Variants in STXBP5L observed in about 807,000 individuals in gnomAD.
STXBP5L encodes the protein syntaxin binding protein 5L.
In STXBP5L, 65 loss-of-function variants were observed where a neutral mutation model predicts 144.5. The observed-to-expected ratio is 0.45, with a 90% CI of 0.37 to 0.55. The LOEUF is 0.55. Among genes scored for constraint, STXBP5L ranks in the 20% least tolerant of loss-of-function variants. The probability of loss-of-function intolerance (pLI) is 0.00; values close to 1 mark genes in which losing one functional copy is unlikely to be tolerated. For missense variants in STXBP5L, 1,298 were observed against 1,405.5 expected, an observed-to-expected ratio of 0.92 and a Z score of 1.22; for synonymous variants, 505 against 469.6, an observed-to-expected ratio of 1.08 and a Z score of -0.97.
chr3:121,296,088 T>A (rs960436665), intron 19 of STXBP5L, among the ~76,000 whole-genome samples: 1 of 152,178 alleles, frequency 6.6e-6, no homozygotes, highest in African/African-American at 2.4e-5. Context: ...ACCATAAAAG[T>A]TCTGTATCTG....
rs76010227 is a variant in STXBP5L, at chr3:121,363,703, A to T, written c.2177-15013A>T. Among the ~76,000 whole-genome samples the T allele has an allele frequency of 3.4e-4, 52 of 152,186 alleles. 1 individual carries two copies. In the East Asian group the frequency reaches 9.3e-3, roughly 27 times the overall value. Reference sequence around the variant, plus strand: ...GCCTCTTCTAATGATATGAAGTTAAAACCAGGTGTTATGAGTGCTCACCTG... The same window carrying T: ...GCCTCTTCTAATGATATGAAGTTAATACCAGGTGTTATGAGTGCTCACCTG... On this transcript the variant is annotated intron_variant, in intron 20 of 26. Transcript: ENST00000471454.
chr3:121,115,997 C>T (rs2044216061), intron 6 of STXBP5L, among the ~76,000 whole-genome samples: 1 of 152,124 alleles, frequency 6.6e-6, no homozygotes, highest in East Asian at 1.9e-4. Context: ...TCCCATGATC[C>T]AAATACCTCC....
intron 6 of STXBP5L, 89 bp downstream of exon 6, chr3:121,115,148 T>C (rs1188693480): frequency 1.6e-6 from 2 of 1,213,592 alleles, no homozygotes; most frequent in Non-Finnish European, 2.3e-6. Flanking sequence ...ATTTGATACG[T>C]CTATTACTAA....
At chr3:121,058,631 G>A (rs1948615624) in intron 5 of STXBP5L, among the ~76,000 whole-genome samples, 1 of 152,160 alleles carries the variant, frequency 6.6e-6, no homozygotes, top group South Asian at 2.1e-4. Context: ...ATCCTCTCCA[G>A]CATCTGTTGT....
At position 121,039,724 on chromosome 3, in the gene STXBP5L, A is replaced by T. The variant is rs180980689; in HGVS notation, c.288-1976A>T. ...TAATTTTGGTCATTATTTAAAAAAA[A>T]TTTTATCTCTTCTCTCCCTCCTCTT... On this transcript the variant is annotated intron_variant, in intron 3 of 26. Transcript: ENST00000471454. Among the ~76,000 whole-genome samples the T allele has an allele frequency of 2.2e-3, 340 of 151,808 alleles. 1 individual carries two copies. The highest frequency in any genetic ancestry group is 7.4e-3 in the African/African-American group (307 of 41,346).
intron 7 of STXBP5L, among the ~76,000 whole-genome samples, chr3:121,124,994 A>T (rs1308115653): frequency 6.6e-6 from 1 of 152,128 alleles, no homozygotes. Flanking sequence ...TGCTTTCTAC[A>T]TGTATCAAGA....
chr3:120,944,588 G>A (rs998699767), intron 2 of STXBP5L, among the ~76,000 whole-genome samples: 3 of 151,740 alleles, frequency 2.0e-5, no homozygotes, highest in African/African-American at 2.4e-5. Context: ...TAGTTTCCTT[G>A]TTATTTCAAG....
chr3:121,013,083 T>C (rs1261140311), intron 3 of STXBP5L, among the ~76,000 whole-genome samples: 2 of 151,990 alleles, frequency 1.3e-5, no homozygotes, highest in Non-Finnish European at 2.9e-5. Flanking sequence ...ACATTTTCTT[T>C]ATCCAATCTA....
At chr3:121,331,370 T>C (rs1277858908) in intron 20 of STXBP5L, among the ~76,000 whole-genome samples, 1 of 152,196 alleles carries the variant, frequency 6.6e-6, no homozygotes, top group Non-Finnish European at 1.5e-5. Flanking sequence ...AGCATGAGTG[T>C]ACCTGTAGAC....
chr3:121,132,719 A>T (rs1013897608), intron 7 of STXBP5L, among the ~76,000 whole-genome samples: 1 of 152,204 alleles, frequency 6.6e-6, no homozygotes, highest in African/African-American at 2.4e-5. Flanking sequence ...AATAACTCTT[A>T]AAAAGAGACT....
chr3:120,969,729 A>T (rs1055270925), intron 3 of STXBP5L, among the ~76,000 whole-genome samples: 1 of 151,950 alleles, frequency 6.6e-6, no homozygotes, highest in South Asian at 2.1e-4. Context: ...GTAAAGTGAG[A>T]GATGGAGATC....
At chr3:121,092,761 A>G (rs140947501) in intron 5 of STXBP5L, among the ~76,000 whole-genome samples, 1 of 152,004 alleles carries the variant, frequency 6.6e-6, no homozygotes, top group Admixed American at 6.6e-5. Flanking sequence ...AATACCCTTT[A>G]TTTCCTTCTC....
At chr3:120,967,003 T>C (rs1045070113) in intron 3 of STXBP5L, among the ~76,000 whole-genome samples, 1 of 152,048 alleles carries the variant, frequency 6.6e-6, no homozygotes, top group Non-Finnish European at 1.5e-5. Flanking sequence ...GCTTCAGCAA[T>C]GGTGGACGCC....
chr3:121,081,561 G>C (rs1463469748), intron 5 of STXBP5L, among the ~76,000 whole-genome samples: 1 of 152,040 alleles, frequency 6.6e-6, no homozygotes, highest in African/African-American at 2.4e-5. Context: ...CTGTCTCCTA[G>C]GGGGTTAGAA....
intron 9 of STXBP5L, among the ~76,000 whole-genome samples, chr3:121,163,949 TG>T (rs1473107567): frequency 6.6e-6 from 1 of 152,152 alleles, no homozygotes; most frequent in African/African-American, 2.4e-5. Context: ...ACAGGTTTAT[TG>T]GGGTATAGTT....
At position 121,083,024 on chromosome 3, in the gene STXBP5L, C is replaced by T. The variant is rs117807624; in HGVS notation, c.471-31901C>T. On this transcript the variant is annotated intron_variant, in intron 5 of 26. Coordinates refer to ENST00000471454, the MANE Select transcript of STXBP5L (RefSeq NM_001308330.2). ...CATCCTGGCCAACATGGTGAAACCC[C>T]GTGTCTACTAAAAAGAAATACAAAA... 3.6e-4 allele frequency among the ~76,000 whole-genome samples: 55 copies of T among 151,976 alleles called. 1 individual carries two copies. The East Asian group carries it at 8.4e-3, about 23-fold the overall frequency.
chr3:121,070,524 A>T (rs1576850060), intron 5 of STXBP5L, among the ~76,000 whole-genome samples: 2 of 152,052 alleles, frequency 1.3e-5, no homozygotes, highest in African/African-American at 4.8e-5. Flanking sequence ...AGTTATTTTC[A>T]TTATTTCCTT....
chr3:121,106,648 G>A (rs997419752), intron 5 of STXBP5L, among the ~76,000 whole-genome samples: 1 of 152,094 alleles, frequency 6.6e-6, no homozygotes, highest in Non-Finnish European at 1.5e-5. Context: ...TATCATTGAT[G>A]GGCATTTGGG....
intron 19 of STXBP5L, among the ~76,000 whole-genome samples, chr3:121,296,323 T>A (rs979752049): frequency 3.1e-4 from 47 of 152,320 alleles, no homozygotes; most frequent in African/African-American, 1.0e-3. Context: ...CAGTAATGGA[T>A]TAACCAACTT....
Sources: allele counts gnomAD v4.1 joint callset (sites outside exome capture counted in the v4.1 genomes callset), GRCh38; gene constraint gnomAD v4.1.1; transcripts MANE v1.5; gene names NCBI Gene and HGNC (gene_info 2026-07-23, HGNC 2026-07-21).